The following GABBR2 variants were observed in gnomAD, a reference collection of about 807,000 sequenced individuals.
GABBR2 encodes the protein gamma-aminobutyric acid type B receptor subunit 2, also known as G-protein coupled receptor 51.
In GABBR2, 23 loss-of-function variants were observed where a neutral mutation model predicts 105.6. The ratio of observed to expected loss-of-function variants is 0.22; its 90% confidence interval spans 0.16 to 0.31. The LOEUF is 0.31. GABBR2 is among the 10% of genes least tolerant of loss of function. The pLI is 1.00. For missense variants in GABBR2, 734 were observed against 1,245.5 expected (o/e 0.59, Z 6.18); for synonymous variants, 478 against 499.7 (o/e 0.96, Z 0.58).
chr9:98,382,187 C>T (rs924565208), intron 11 of GABBR2, among the ~76,000 whole-genome samples: 9 of 152,076 alleles, frequency 5.9e-5, no homozygotes, highest in South Asian at 2.1e-4. Context: ...GAGTGGCCCC[C>T]GGGAAGGACT....
chr9:98,366,392 C>A (rs559255845), intron 12 of GABBR2, among the ~76,000 whole-genome samples: 1 of 152,266 alleles, frequency 6.6e-6, no homozygotes, highest in African/African-American at 2.4e-5. Context: ...AAATTTACAC[C>A]TTTACCATAC....
At chr9:98,481,873 C>CAGGAA (rs1564087012) in intron 4 of GABBR2, among the ~76,000 whole-genome samples, 5 of 152,368 alleles carry the variant, frequency 3.3e-5, no homozygotes, top group Admixed American at 6.5e-5. Context: ...ACCCCTGTGA[C>CAGGAA]TCATTCATTC....
At chr9:98,435,787 A>G (rs372730880) in intron 7 of GABBR2, among the ~76,000 whole-genome samples, 26 of 151,986 alleles carry the variant, frequency 1.7e-4, no homozygotes, top group African/African-American at 5.6e-4. Flanking sequence ...TTGTTCTTCA[A>G]TCTCAACTCA....
chr9:98,681,347 C>A (rs1290763542), intron 1 of GABBR2, among the ~76,000 whole-genome samples: 1 of 54,770 alleles, frequency 1.8e-5, no homozygotes, highest in Non-Finnish European at 3.5e-5. Flanking sequence ...CAAGAACAAC[C>A]AAACACCGCA....
Position 98,371,545 on chromosome 9 carries a change from G to A in GABBR2, c.1689C>T (p.Gly563=). Residue 563 remains glycine, a synonymous_variant, in exon 12 of 19, where the codon GGC becomes GGT. Transcript: ENST00000259455. ...ACATGGCCCCAAAAGCGGTCGTGTAGCCCACGGTGAGAATCCAGGTCCTGA... is the reference window on the plus strand; with the variant it reads ...ACATGGCCCCAAAAGCGGTCGTGTAACCCACGGTGAGAATCCAGGTCCTGA... ...CTVRTWILTV[G]YTTAFGAMFA... 6.2e-7 allele frequency: 1 copy of A among 1,610,102 alleles called. No homozygotes were observed. The highest frequency in any genetic ancestry group is 8.5e-7 in the Non-Finnish European group (1 of 1,176,386).
chr9:98,404,913 C>G (rs185018744), intron 8 of GABBR2, among the ~76,000 whole-genome samples: 1 of 152,102 alleles, frequency 6.6e-6, no homozygotes, highest in Non-Finnish European at 1.5e-5. Flanking sequence ...GATTTTCCAA[C>G]AAATCATCTG....
chr9:98,542,128 T>C (rs1828315898), intron 2 of GABBR2, 85 bp from the exon 3 acceptor site: 2 of 1,147,054 alleles, frequency 1.7e-6, no homozygotes, highest in South Asian at 1.5e-5. Flanking sequence ...ATAGAGACTG[T>C]TAGCTTCAAC....
chr9:98,302,833 T>G (rs7869257), intron 16 of GABBR2: 34,722 of 171,360 alleles, frequency 0.2, 4,090 homozygotes, highest in African/African-American at 0.32. Context: ...TTCTTTTCAC[T>G]TTCTCTTCTC....
intron 13 of GABBR2, 71 bp from the exon 14 acceptor site, chr9:98,311,276 G>C: frequency 1.1e-6 from 1 of 928,894 alleles, no homozygotes; most frequent in South Asian, 1.4e-5. Flanking sequence ...CCTTATCTGA[G>C]AGCCCTTTTC....
Position 98,372,165 on chromosome 9 carries a change from C to T in GABBR2, c.1663-594G>A, listed in dbSNP as rs547534471. The stretch of plus-strand genomic sequence containing the variant: ...TGGGTTGGTGGCTAATGGGAACAGC[C>T]GGCCCTGACAGGAGCCTACAACTTG... On this transcript the variant is annotated intron_variant, in intron 11 of 18. Transcript: ENST00000259455. Among the ~76,000 whole-genome samples, 966 of 152,276 alleles carry T rather than the reference C, an allele frequency of 6.3e-3. 8 individuals carry two copies. The highest frequency in any genetic ancestry group is 8.7e-3 in the Non-Finnish European group (592 of 68,026).
At chr9:98,613,003 G>A (rs1374568563) in intron 1 of GABBR2, among the ~76,000 whole-genome samples, 1 of 152,216 alleles carries the variant, frequency 6.6e-6, no homozygotes, top group African/African-American at 2.4e-5. Flanking sequence ...GCTACCTGCT[G>A]CCTCAGCCCA....
At chr9:98,607,243 T>C (rs1829439116) in intron 1 of GABBR2, 1 of 1,343,556 alleles carries the variant, frequency 7.4e-7, no homozygotes, top group Non-Finnish European at 1.1e-6. Context: ...GATAATAAAC[T>C]TGAGGACTAC....
chr9:98,702,678 G>A (rs957060805), intron 1 of GABBR2, among the ~76,000 whole-genome samples: 1 of 152,086 alleles, frequency 6.6e-6, no homozygotes, highest in Admixed American at 6.6e-5. Context: ...ACCCTTCCTG[G>A]TATCCAATGT....
intron 2 of GABBR2, among the ~76,000 whole-genome samples, chr9:98,552,637 A>T (rs946004370): frequency 2.0e-5 from 3 of 152,312 alleles, no homozygotes; most frequent in Middle Eastern, 3.4e-3. Flanking sequence ...TCCCAAGTTA[A>T]CAAGGGAAAA....
chr9:98,311,296 A>T, intron 13 of GABBR2, 91 bp from the exon 14 acceptor site: 1 of 748,624 alleles, frequency 1.3e-6, no homozygotes, highest in Non-Finnish European at 2.3e-6. Context: ...CCCTCCTGTG[A>T]GCCATAGCCA....
At chr9:98,635,124 A>G (rs1390495212) in intron 1 of GABBR2, among the ~76,000 whole-genome samples, 1 of 152,218 alleles carries the variant, frequency 6.6e-6, no homozygotes, top group East Asian at 1.9e-4. Flanking sequence ...ATGAACCAGA[A>G]TATGCAAATG....
At position 98,385,769 on chromosome 9, in the gene GABBR2, G is replaced by A. The variant is rs1832060964; in HGVS notation, c.1533C>T (p.Leu511=). Residue 511 remains leucine, a synonymous_variant, in exon 11 of 19, where the codon CTC becomes CTT. Coordinates refer to ENST00000259455, the MANE Select transcript of GABBR2 (RefSeq NM_005458.8). ...TCATGTATGGACTCGACATCTTTAT[G>A]AGCCTGACAAGAGAAAGAGACAATA... ...FFNIKNRNQK[L]IKMSSPYMNN... 6.2e-7 allele frequency: 1 copy of A among 1,608,392 alleles called. No homozygotes were observed. Among genetic ancestry groups the A allele is most frequent in the Non-Finnish European group, 8.5e-7 (1 of 1,174,988 alleles).
intron 1 of GABBR2, among the ~76,000 whole-genome samples, chr9:98,629,164 G>A (rs559853690): frequency 1.4e-4 from 21 of 152,254 alleles, no homozygotes; most frequent in Middle Eastern, 3.4e-3. Flanking sequence ...GGTTTAATGA[G>A]CAAAGGAATT....
chr9:98,652,734 C>A (rs1212302508), intron 1 of GABBR2, among the ~76,000 whole-genome samples: 1 of 152,220 alleles, frequency 6.6e-6, no homozygotes, highest in Non-Finnish European at 1.5e-5. Flanking sequence ...GGCAATGGGT[C>A]TTTTCCAAGG....
Sources: allele counts gnomAD v4.1 joint callset (sites outside exome capture counted in the v4.1 genomes callset), GRCh38; gene constraint gnomAD v4.1.1; transcripts MANE v1.5; gene names NCBI Gene and HGNC (gene_info 2026-07-23, HGNC 2026-07-21).